ENTPD1: variants seen among roughly 807,000 people sequenced by gnomAD.
The protein encoded by ENTPD1 is ectonucleoside triphosphate diphosphohydrolase 1.
A neutral mutation model predicts 57.0 loss-of-function variants in ENTPD1; 33 were observed. The observed-to-expected ratio is 0.58, with a 90% CI of 0.44 to 0.77. The LOEUF (loss-of-function observed/expected upper bound fraction) is 0.77. Among genes scored for constraint, ENTPD1 ranks in the 30% least tolerant of loss-of-function variants. The probability of loss-of-function intolerance (pLI) is 0.00; values close to 1 mark genes in which losing one functional copy is unlikely to be tolerated. For synonymous variants in ENTPD1, 202 were observed against 218.8 expected (o/e 0.92, Z 0.68); for missense variants, 501 against 603.4 (o/e 0.83, Z 1.78).
rs1244210539 is a variant in ENTPD1 at position 95,868,662 on chromosome 10, A to C, written c.*2279A>C. The C allele has an allele frequency of 1.0e-6, 1 of 980,700 alleles. No homozygotes were observed. Among genetic ancestry groups the C allele is most frequent in the African/African-American group, 1.8e-5 (1 of 57,136 alleles). 60.7% of individuals were successfully genotyped at this position (980,700 alleles called of 1,614,324 possible). On this transcript the variant is annotated 3_prime_UTR_variant, in exon 10 of 10. Transcript: ENST00000371205. Reference sequence around the variant, plus strand: ...TAGTATTTCCATTTTACAAATGAGGATCACACAAACTACTACATGGCAGAG... The same window carrying C: ...TAGTATTTCCATTTTACAAATGAGGCTCACACAAACTACTACATGGCAGAG...
chr10:95,876,453 G>A lies in ENTPD1; in HGVS notation c.*10070G>A. 1 of 1,231,340 alleles carries A rather than the reference G, an allele frequency of 8.1e-7. No homozygotes were observed. The highest frequency in any genetic ancestry group is 1.0e-6 in the Non-Finnish European group (1 of 987,746). 76.3% of individuals were successfully genotyped at this position (1,231,340 alleles called of 1,614,324 possible). On this transcript the variant is annotated 3_prime_UTR_variant, in exon 10 of 10. Coordinates refer to ENST00000371205, the MANE Select transcript of ENTPD1 (RefSeq NM_001776.6). The stretch of plus-strand genomic sequence containing the variant: ...TGCAATCTATAGGCATACCATAATT[G>A]TAATCAATAGCTTAAAAATATGTCT...
At chr10:95,846,968 G>A (rs111666181) in intron 6 of ENTPD1, among the ~76,000 whole-genome samples, 137 of 148,380 alleles carry the variant, frequency 9.2e-4, no homozygotes, top group Middle Eastern at 3.4e-3. Context: ...CAGCCTGGGC[G>A]ACAGAGCAAG....
intron 7 of ENTPD1, among the ~76,000 whole-genome samples, chr10:95,850,997 A>G (rs1228966063): frequency 1.3e-5 from 2 of 152,260 alleles, no homozygotes; most frequent in African/African-American, 4.8e-5. Context: ...CAGTCTGGCT[A>G]CACTGTAGCC....
At chr10:95,844,027 G>C (rs2098428159) in intron 4 of ENTPD1, among the ~76,000 whole-genome samples, 1 of 152,140 alleles carries the variant, frequency 6.6e-6, no homozygotes, top group Non-Finnish European at 1.5e-5. Flanking sequence ...TTGCCACCTG[G>C]TTTCTACTAG....
At chr10:95,695,534 T>G in the ENTPD1 span, among the ~76,000 whole-genome samples, 1 of 152,236 alleles carries the variant, frequency 6.6e-6, no homozygotes, top group Non-Finnish European at 1.5e-5. Flanking sequence ...TCTAATGTTT[T>G]GAAGTCAGTA....
At chr10:95,755,786 C>G, upstream of ENTPD1, 2 of 1,530,604 alleles carry the variant, frequency 1.3e-6, no homozygotes, top group Non-Finnish European at 8.8e-7. Flanking sequence ...TTCTTATTAT[C>G]TAGCTTCATA....
intron 1 of ENTPD1, among the ~76,000 whole-genome samples, chr10:95,743,722 A>G (rs1004202769): frequency 2.0e-5 from 3 of 151,404 alleles, no homozygotes; most frequent in African/African-American, 4.8e-5. Context: ...TGGAAGCTCT[A>G]TTGGCTCCTG....
intron 3 of ENTPD1, among the ~76,000 whole-genome samples, chr10:95,842,089 A>G (rs1333238943): frequency 6.6e-6 from 1 of 152,216 alleles, no homozygotes. Context: ...AATGTTATGC[A>G]ATTGAATATG....
intron 1 of ENTPD1, among the ~76,000 whole-genome samples, chr10:95,762,016 G>C (rs1034384607): frequency 6.6e-6 from 1 of 152,058 alleles, no homozygotes. Context: ...AAACTTGAGG[G>C]GGTTGTGAAG....
In ENTPD1 at chr10:95,842,506, T is replaced by C; in HGVS notation, c.413+12T>C. On this transcript the variant is annotated intron_variant, in intron 4 of 9. Transcript: ENST00000371205. The stretch of plus-strand genomic sequence containing the variant: ...ATGCGGTTGCTCAGGTATAGCAGCA[T>C]GTAGGGACCAAGAGTATCTGGGAGT... 1.9e-6 allele frequency: 3 copies of C among 1,612,368 alleles called. No homozygotes were observed. Among genetic ancestry groups the C allele is most frequent in the Non-Finnish European group, 2.5e-6 (3 of 1,178,814 alleles).
chr10:95,709,899 A>T (rs527677453), upstream of ENTPD1, among the ~76,000 whole-genome samples: 58 of 146,476 alleles, frequency 4.0e-4, no homozygotes, highest in Non-Finnish European at 3.3e-4. Context: ...GGCCCCCCCC[A>T]CCAGTAGCTG....
At chr10:95,805,634 G>T (rs1373173795) in intron 1 of ENTPD1, among the ~76,000 whole-genome samples, 2 of 152,196 alleles carry the variant, frequency 1.3e-5, no homozygotes, top group African/African-American at 4.8e-5. Context: ...GGTACTGGTT[G>T]TTCCTTTCCA....
chr10:95,732,511 G>T (rs1017520936), intron 1 of ENTPD1, among the ~76,000 whole-genome samples: 1 of 152,170 alleles, frequency 6.6e-6, no homozygotes, highest in African/African-American at 2.4e-5. Context: ...TGTAGGGGCT[G>T]CTGGGAGGGA....
At chr10:95,847,165 CAG>C (rs2098437376) in intron 6 of ENTPD1, among the ~76,000 whole-genome samples, 1 of 152,132 alleles carries the variant, frequency 6.6e-6, no homozygotes, top group Non-Finnish European at 1.5e-5. Flanking sequence ...ACTAAGCACT[CAG>C]GGACATTTCA....
At chr10:95,782,418 C>T (rs1181719542) in intron 1 of ENTPD1, among the ~76,000 whole-genome samples, 1 of 152,042 alleles carries the variant, frequency 6.6e-6, no homozygotes, top group African/African-American at 2.4e-5. Context: ...AGGAAGGATG[C>T]AGAGACTATG....
intron 3 of ENTPD1, among the ~76,000 whole-genome samples, chr10:95,841,386 CAAA>C (rs397764106): frequency 6.8e-6 from 1 of 148,102 alleles, no homozygotes; most frequent in African/African-American, 2.5e-5. Flanking sequence ...GACTCCGTCT[CAAA>C]AAAAAAAATC....
At chr10:95,828,525 T>C (rs2098385756) in intron 2 of ENTPD1, among the ~76,000 whole-genome samples, 1 of 152,160 alleles carries the variant, frequency 6.6e-6, no homozygotes, top group Admixed American at 6.5e-5. Context: ...AAAATTGTCC[T>C]CCAAGAAACT....
the ENTPD1 span, among the ~76,000 whole-genome samples, chr10:95,694,614 TA>T: frequency 4.6e-5 from 7 of 151,462 alleles, no homozygotes; most frequent in African/African-American, 1.2e-4. Context: ...AGAGAAAGAA[TA>T]AAAAAAAGAA....
intron 7 of ENTPD1, among the ~76,000 whole-genome samples, chr10:95,850,778 C>G (rs2098443685): frequency 6.6e-6 from 1 of 152,182 alleles, no homozygotes; most frequent in Admixed American, 6.5e-5. Flanking sequence ...GCAGGGAGTT[C>G]CTGTTATCGA....
Sources: allele counts gnomAD v4.1 joint callset (sites outside exome capture counted in the v4.1 genomes callset), GRCh38; gene constraint gnomAD v4.1.1; transcripts MANE v1.5; gene names NCBI Gene and HGNC (gene_info 2026-07-23, HGNC 2026-07-21).